The following CLASP1 variants were observed in gnomAD, a reference collection of about 807,000 sequenced individuals.
CLASP1 encodes CLIP-associating protein 1.
Under a neutral mutation model 192.3 loss-of-function variants are expected in CLASP1, and 38 were observed. The ratio of observed to expected loss-of-function variants is 0.20; its 90% CI spans 0.15 to 0.26. CLASP1 has a LOEUF of 0.26. CLASP1 is among the 10% of genes least tolerant of loss of function. The probability of loss-of-function intolerance (pLI) is 1.00; values close to 1 mark genes in which losing one functional copy is unlikely to be tolerated. For missense variants in CLASP1, 1,433 were observed against 1,932.5 expected (o/e 0.74, Z 4.85); for synonymous variants, 691 against 712.8 (o/e 0.97, Z 0.49).
At chr2:121,483,535 T>G (rs1486928825) in intron 8 of CLASP1, among the ~76,000 whole-genome samples, 1 of 150,882 alleles carries the variant, frequency 6.6e-6, no homozygotes, top group African/African-American at 2.5e-5. Context: ...TGTATATATA[T>G]GTATGTATAT....
At chr2:121,530,415 G>C (rs984588993) in intron 2 of CLASP1, 90 bp from the exon 3 acceptor site, 2 of 977,210 alleles carry the variant, frequency 2.0e-6, no homozygotes, top group East Asian at 5.3e-5. Flanking sequence ...AGACATTTCC[G>C]GCCCAGACGC....
chr2:121,527,815 T>TAAGGCA (rs1453098635), exon 5 of CLASP1: 1 of 1,613,570 alleles, frequency 6.2e-7, no homozygotes, highest in Admixed American at 1.7e-5. Context: ...AGTGTTGCTA[T>TAAGGCA]AAGGCAGAGA....
chr2:121,553,046 T>C (rs1461645840), intron 2 of CLASP1, among the ~76,000 whole-genome samples: 1 of 152,238 alleles, frequency 6.6e-6, no homozygotes, highest in Non-Finnish European at 1.5e-5. Context: ...TGTGGGAACA[T>C]GGATGGAGCT....
intron 21 of CLASP1, 144 bp downstream of exon 21, chr2:121,427,260 T>C (rs2080567816): frequency 9.6e-7 from 1 of 1,040,088 alleles, no homozygotes; most frequent in Non-Finnish European, 1.4e-6. Context: ...TTTCAAACTC[T>C]AGAATTTGAA....
intron 6 of CLASP1, 141 bp downstream of exon 6, chr2:121,525,704 C>A: frequency 3.2e-6 from 2 of 618,002 alleles, no homozygotes; most frequent in South Asian, 2.0e-5. Flanking sequence ...TTTATAAATG[C>A]TAATGGGTAC....
At chr2:121,475,281 C>T (rs1234911534) in intron 8 of CLASP1, among the ~76,000 whole-genome samples, 1 of 152,134 alleles carries the variant, frequency 6.6e-6, no homozygotes, top group Non-Finnish European at 1.5e-5. Flanking sequence ...ACCAACTGAG[C>T]CAATTATTTG....
At chr2:121,382,660 G>A (rs2072011346) in intron 32 of CLASP1, among the ~76,000 whole-genome samples, 2 of 152,110 alleles carry the variant, frequency 1.3e-5, no homozygotes, top group Non-Finnish European at 2.9e-5. Context: ...GCACTGGGAA[G>A]GACATAACAC....
chr2:121,406,217 A>T (rs1442904144), intron 25 of CLASP1, among the ~76,000 whole-genome samples: 1 of 152,246 alleles, frequency 6.6e-6, no homozygotes, highest in Admixed American at 6.5e-5. Flanking sequence ...AAAATATGGT[A>T]TAACCACATA....
intron 39 of CLASP1, among the ~76,000 whole-genome samples, chr2:121,345,569 G>A (rs2063344244): frequency 6.6e-6 from 1 of 152,198 alleles, no homozygotes; most frequent in Non-Finnish European, 1.5e-5. Flanking sequence ...CCCTGATGGA[G>A]GTAGGAGAGC....
At chr2:121,601,201 G>C (rs2063739714) in intron 2 of CLASP1, among the ~76,000 whole-genome samples, 1 of 151,974 alleles carries the variant, frequency 6.6e-6, no homozygotes, top group African/African-American at 2.4e-5. Flanking sequence ...ACATAGACAA[G>C]GTGATTTCAT....
At chr2:121,610,588 A>AAGG (rs1310012200) in intron 1 of CLASP1, among the ~76,000 whole-genome samples, 4 of 41,682 alleles carry the variant, frequency 9.6e-5, no homozygotes, top group Admixed American at 2.4e-4. Context: ...GGAACTGGAG[A>AAGG]AGGAGGAGGA....
At chr2:121,565,691 T>C (rs567643238) in intron 2 of CLASP1, among the ~76,000 whole-genome samples, 2 of 152,262 alleles carry the variant, frequency 1.3e-5, no homozygotes, top group South Asian at 4.1e-4. Context: ...CTTTTTTCAC[T>C]AGGCCGCTCC....
chr2:121,529,589 A>G (rs934764), intron 3 of CLASP1, among the ~76,000 whole-genome samples: 45,341 of 152,138 alleles, frequency 0.3, 10,636 homozygotes, highest in African/African-American at 0.65. Context: ...TGTTTATACT[A>G]CCCCCATGAA....
At chr2:121,515,631 G>A (rs1406640493) in intron 7 of CLASP1, 34 bp downstream of exon 7, 11 of 1,472,386 alleles carry the variant, frequency 7.5e-6, no homozygotes, top group Non-Finnish European at 1.0e-5. Context: ...GGGGGGTTGG[G>A]TAGAGCAGAA....
chr2:121,385,650 G>A (rs937232448), intron 32 of CLASP1, among the ~76,000 whole-genome samples: 1 of 152,134 alleles, frequency 6.6e-6, no homozygotes, highest in Non-Finnish European at 1.5e-5. Flanking sequence ...ACTTACTAAA[G>A]AATGTGCCAC....
rs535382699 is a variant in CLASP1 at position 121,430,601 on chromosome 2, T to C, written c.1913-424A>G. Among the ~76,000 whole-genome samples, 311 of 152,028 alleles carry C rather than the reference T, an allele frequency of 2.0e-3. 1 individual carries two copies. Among genetic ancestry groups the C allele is most frequent in the African/African-American group, 7.2e-3 (298 of 41,484 alleles). ...TTTACTGTCACTGTAAAAAACAAACTATAGAAAATAAGAGTAATACCAAAA... is the reference window on the plus strand; with the variant it reads ...TTTACTGTCACTGTAAAAAACAAACCATAGAAAATAAGAGTAATACCAAAA... On this transcript the variant is annotated intron_variant, in intron 19 of 39. Coordinates refer to ENST00000263710, the Ensembl canonical transcript of CLASP1.
intron 32 of CLASP1, among the ~76,000 whole-genome samples, chr2:121,384,813 G>A (rs1467505052): frequency 2.0e-5 from 3 of 152,100 alleles, no homozygotes; most frequent in Non-Finnish European, 2.9e-5. Flanking sequence ...TCCCAAAGGC[G>A]GAGGTTTCAG....
chr2:121,350,477 G>A (rs2064157577), intron 37 of CLASP1, among the ~76,000 whole-genome samples: 1 of 152,150 alleles, frequency 6.6e-6, no homozygotes, highest in African/African-American at 2.4e-5. Context: ...GGGTCACTTT[G>A]GGGCCCTCAC....
At chr2:121,383,856 A>G (rs1338427822) in intron 32 of CLASP1, among the ~76,000 whole-genome samples, 1 of 151,768 alleles carries the variant, frequency 6.6e-6, no homozygotes, top group Non-Finnish European at 1.5e-5. Context: ...TTTGTGTATT[A>G]GCTGGTAATA....
Sources: gnomAD v4.1 joint callset for allele counts (sites outside exome capture counted in the v4.1 genomes callset) on GRCh38, gnomAD v4.1.1 for gene constraint, MANE v1.5 for transcripts, NCBI Gene and HGNC (gene_info 2026-07-23, HGNC 2026-07-21) for gene names.